The following PEAK1 variants were observed in gnomAD, a reference collection of about 807,000 sequenced individuals.
PEAK1 encodes inactive tyrosine-protein kinase PEAK1.
PEAK1 carries 54 observed loss-of-function variants against 124.7 expected under a neutral mutation model. The ratio of observed to expected loss-of-function variants is 0.43; its 90% confidence interval spans 0.35 to 0.54. The LOEUF (loss-of-function observed/expected upper bound fraction) is 0.54, where lower values mean the gene tolerates loss of function less well. Among genes scored for constraint, PEAK1 ranks in the 20% least tolerant of loss-of-function variants. The probability of loss-of-function intolerance (pLI) is 0.01; values close to 1 mark genes in which losing one functional copy is unlikely to be tolerated. For synonymous variants in PEAK1, 719 were observed against 760.0 expected (o/e 0.95, Z 0.89); for missense variants, 2,046 against 2,134.5 (o/e 0.96, Z 0.82).
At chr15:77,245,306 G>C (rs936473010) in intron 6 of PEAK1, among the ~76,000 whole-genome samples, 1 of 151,492 alleles carries the variant, frequency 6.6e-6, no homozygotes, top group African/African-American at 2.4e-5. Context: ...AGTGAGCCAT[G>C]ATCATGCCAC....
At chr15:77,122,185 T>C (rs139823765) in intron 9 of PEAK1, among the ~76,000 whole-genome samples, 187 of 152,310 alleles carry the variant, frequency 1.2e-3, no homozygotes, top group African/African-American at 4.5e-3. Flanking sequence ...CTCCATGTTG[T>C]AGGAATCTGC....
At chr15:77,332,718 T>C (rs926935659) in intron 2 of PEAK1, among the ~76,000 whole-genome samples, 2 of 152,222 alleles carry the variant, frequency 1.3e-5, no homozygotes, top group African/African-American at 4.8e-5. Context: ...TTTAAAAGCT[T>C]TACCAATCTG....
chr15:77,171,252 G>C (rs1005543065), intron 7 of PEAK1, among the ~76,000 whole-genome samples: 2 of 152,116 alleles, frequency 1.3e-5, no homozygotes, highest in Non-Finnish European at 2.9e-5. Context: ...CTTAAAAATT[G>C]AGAATCACAT....
At chr15:77,376,530 A>G (rs1490562683) in intron 1 of PEAK1, among the ~76,000 whole-genome samples, 1 of 152,136 alleles carries the variant, frequency 6.6e-6, no homozygotes, top group Non-Finnish European at 1.5e-5. Flanking sequence ...AACATCCAAA[A>G]TAATATCCTT....
upstream of PEAK1, chr15:77,420,872 G>A (rs2073303257): frequency 2.5e-6 from 1 of 398,806 alleles, no homozygotes; most frequent in East Asian, 3.6e-5. Context: ...AAAGTGCTGC[G>A]GAAGAATTTT....
intron 2 of PEAK1, among the ~76,000 whole-genome samples, chr15:77,330,286 C>T (rs2065819892): frequency 1.3e-5 from 2 of 152,178 alleles, no homozygotes; most frequent in Admixed American, 1.3e-4. Context: ...TACTTCTCAT[C>T]ATTGGTCTAA....
chr15:77,237,794 A>T (rs1174103631), intron 6 of PEAK1, among the ~76,000 whole-genome samples: 1 of 152,162 alleles, frequency 6.6e-6, no homozygotes, highest in African/African-American at 2.4e-5. Context: ...CAATTTACCA[A>T]GATGATAATG....
intron 1 of PEAK1, among the ~76,000 whole-genome samples, chr15:77,379,243 C>G (rs1377977875): frequency 6.6e-6 from 1 of 152,186 alleles, no homozygotes; most frequent in Non-Finnish European, 1.5e-5. Context: ...GGGATGTCCA[C>G]AGCAAGACCT....
At chr15:77,342,010 A>T (rs760970932) in intron 2 of PEAK1, among the ~76,000 whole-genome samples, 16 of 152,068 alleles carry the variant, frequency 1.1e-4, no homozygotes, top group Non-Finnish European at 2.1e-4. Flanking sequence ...TTACACCTCA[A>T]TGCAGCTGCA....
At chr15:77,372,198 G>C (rs913634312) in intron 1 of PEAK1, among the ~76,000 whole-genome samples, 1 of 152,148 alleles carries the variant, frequency 6.6e-6, no homozygotes, top group African/African-American at 2.4e-5. Context: ...TTGTCGATTT[G>C]CTATATTTAG....
intron 6 of PEAK1, among the ~76,000 whole-genome samples, chr15:77,215,107 C>A (rs1567124647): frequency 6.6e-6 from 1 of 152,178 alleles, no homozygotes; most frequent in African/African-American, 2.4e-5. Context: ...CTCATCAACA[C>A]TTGGTATCGT....
At chr15:77,196,063 G>A (rs2058087564) in intron 6 of PEAK1, among the ~76,000 whole-genome samples, 1 of 152,150 alleles carries the variant, frequency 6.6e-6, no homozygotes, top group African/African-American at 2.4e-5. Flanking sequence ...TAAATATTGG[G>A]TCTATAGTGT....
chr15:77,206,396 C>T (rs1433057198), intron 6 of PEAK1, among the ~76,000 whole-genome samples: 1 of 147,610 alleles, frequency 6.8e-6, no homozygotes, highest in Non-Finnish European at 1.5e-5. Context: ...CCTGAGGAAT[C>T]GCCACACTGA....
intron 7 of PEAK1, among the ~76,000 whole-genome samples, chr15:77,160,353 T>C (rs1475126999): frequency 6.6e-6 from 1 of 152,166 alleles, no homozygotes; most frequent in Non-Finnish European, 1.5e-5. Flanking sequence ...ATTTCTAGTT[T>C]CAAAGCAATA....
intron 2 of PEAK1, among the ~76,000 whole-genome samples, chr15:77,342,656 G>A (rs867433627): frequency 2.6e-5 from 4 of 152,032 alleles, no homozygotes; most frequent in South Asian, 2.1e-4. Context: ...CAATCCTCCC[G>A]CCTTGTCCTT....
intron 6 of PEAK1, among the ~76,000 whole-genome samples, chr15:77,188,101 T>C (rs1051392596): frequency 9.9e-5 from 15 of 152,106 alleles, no homozygotes; most frequent in Middle Eastern, 6.8e-3. Flanking sequence ...GGTACACAAA[T>C]GGAAATTCCA....
chr15:77,390,869 A>G (rs927281712), intron 1 of PEAK1, among the ~76,000 whole-genome samples: 2 of 152,204 alleles, frequency 1.3e-5, no homozygotes, highest in Non-Finnish European at 2.9e-5. Context: ...TAAACTGTCA[A>G]CTTTTCCTGG....
At chr15:77,345,535 G>A (rs1181716459) in intron 2 of PEAK1, among the ~76,000 whole-genome samples, 2 of 152,120 alleles carry the variant, frequency 1.3e-5, no homozygotes, top group African/African-American at 4.8e-5. Context: ...TGCACAACTA[G>A]CTCAGACTGG....
chr15:77,420,636 AACT>A, upstream of PEAK1: 1 of 381,128 alleles, frequency 2.6e-6, no homozygotes, highest in Non-Finnish European at 4.6e-6. Context: ...AAAAAAAAAA[AACT>A]ACATCTCCCA....
Sources: allele counts gnomAD v4.1 joint callset (sites outside exome capture counted in the v4.1 genomes callset), GRCh38; gene constraint gnomAD v4.1.1; transcripts MANE v1.5; gene names NCBI Gene and HGNC (gene_info 2026-07-23, HGNC 2026-07-21).